Variants in ZNF438 observed in about 807,000 individuals in gnomAD.
ZNF438 encodes the protein zinc finger protein 438.
A neutral mutation model predicts 38.0 loss-of-function variants in ZNF438; 25 were observed. That is an observed-to-expected ratio of 0.66 (90% CI 0.48 to 0.92). ZNF438 has a LOEUF of 0.92. Ranked by LOEUF, ZNF438 falls within the 40% of genes least tolerant of loss-of-function variation. The pLI is 0.00. For synonymous variants in ZNF438, 372 were observed against 364.1 expected (o/e 1.02, Z -0.25); for missense variants, 1,007 against 999.6 (o/e 1.01, Z -0.10).
chr10:30,856,931 T>C (rs1405188805), intron 4 of ZNF438, among the ~76,000 whole-genome samples: 1 of 152,158 alleles, frequency 6.6e-6, no homozygotes, highest in African/African-American at 2.4e-5. Context: ...AACTAGGAAG[T>C]GTTGAGCCCT....
chr10:30,851,060 A>G (rs1474206130), intron 4 of ZNF438, among the ~76,000 whole-genome samples: 1 of 152,240 alleles, frequency 6.6e-6, no homozygotes, highest in Non-Finnish European at 1.5e-5. Flanking sequence ...GTGCTTTTGC[A>G]ATTAAATCAC....
At chr10:30,844,781 T>C (rs2031477622) in exon 6 of ZNF438, 3 of 750,288 alleles carry the variant, frequency 4.0e-6, no homozygotes, top group South Asian at 2.0e-5. Context: ...TAGAAAAATA[T>C]GCTTCGAGAG....
rs1396476152 is a variant in ZNF438 at position 30,866,610 on chromosome 10, A to T, written c.37+10388T>A. Among the ~76,000 whole-genome samples the T allele has an allele frequency of 5.9e-5, 9 of 152,256 alleles. No individual in the cohort carries two copies. The East Asian group carries it at 1.7e-3, about 29-fold the overall frequency. ...AGCACTTTGGGAGGCCAAGGAAGGC[A>T]GATCACGAGGTCAGGAGATCGAGAC... On this transcript the variant is annotated intron_variant, in intron 4 of 5. Transcript: ENST00000413025.
intron 2 of ZNF438, among the ~76,000 whole-genome samples, chr10:30,921,632 C>T (rs2044307204): frequency 6.6e-6 from 1 of 152,186 alleles, no homozygotes; most frequent in Non-Finnish European, 1.5e-5. Flanking sequence ...AGTTTATGCT[C>T]TAAACACTGG....
intron 1 of ZNF438, among the ~76,000 whole-genome samples, chr10:31,021,228 G>T (rs2056571405): frequency 6.6e-6 from 1 of 151,936 alleles, no homozygotes; most frequent in Admixed American, 6.6e-5. Context: ...ATACAAAAAA[G>T]AAATTACACC....
exon 6 of ZNF438, chr10:30,844,927 A>C: frequency 6.3e-7 from 1 of 1,590,268 alleles, no homozygotes; most frequent in Non-Finnish European, 8.6e-7. Flanking sequence ...GTGGCGGCAG[A>C]GCTCTCTCCT....
intron 1 of ZNF438, among the ~76,000 whole-genome samples, chr10:31,026,813 T>C (rs2056975284): frequency 6.6e-6 from 1 of 152,170 alleles, no homozygotes; most frequent in Non-Finnish European, 1.5e-5. Context: ...GTGGCACTAT[T>C]CACAATAGCA....
chr10:30,850,964 A>T (rs959303739), intron 4 of ZNF438, among the ~76,000 whole-genome samples: 6 of 152,192 alleles, frequency 3.9e-5, no homozygotes, highest in Non-Finnish European at 7.3e-5. Context: ...TGCACAGTGG[A>T]TGCATTCCAG....
intron 1 of ZNF438, among the ~76,000 whole-genome samples, chr10:30,957,413 T>G (rs2048982663): frequency 6.6e-6 from 1 of 152,216 alleles, no homozygotes; most frequent in Non-Finnish European, 1.5e-5. Flanking sequence ...TTGTTTATTT[T>G]TTCTTTCCTT....
chr10:30,912,672 G>C (rs950816128), intron 2 of ZNF438, among the ~76,000 whole-genome samples: 1 of 152,044 alleles, frequency 6.6e-6, no homozygotes, highest in African/African-American at 2.4e-5. Context: ...TTTAAATCCT[G>C]TTTCTTCCAC....
chr10:31,024,484 CGGGCTTGGTGGCGGGT>C (rs1564363654), intron 1 of ZNF438, among the ~76,000 whole-genome samples: 1 of 152,106 alleles, frequency 6.6e-6, no homozygotes, highest in Non-Finnish European at 1.5e-5. Flanking sequence ...AAAAATTAGC[CGGGCTTGGTGGCGGGT>C]GCCTGCAGTC....
intron 2 of ZNF438, among the ~76,000 whole-genome samples, chr10:30,914,353 C>T (rs1358818263): frequency 6.6e-5 from 10 of 151,810 alleles, no homozygotes; most frequent in African/African-American, 2.4e-4. Flanking sequence ...TTATAAAAGG[C>T]CAACATGATG....
chr10:30,847,475 T>C (rs929158293), intron 5 of ZNF438, among the ~76,000 whole-genome samples: 1 of 152,174 alleles, frequency 6.6e-6, no homozygotes, highest in African/African-American at 2.4e-5. Flanking sequence ...CTCTTCATCT[T>C]GCTCACCCTC....
intron 1 of ZNF438, among the ~76,000 whole-genome samples, chr10:31,001,277 T>C (rs2054632555): frequency 6.6e-6 from 1 of 152,258 alleles, no homozygotes; most frequent in African/African-American, 2.4e-5. Flanking sequence ...AACTCATCGC[T>C]GATAATGTGA....
intron 1 of ZNF438, among the ~76,000 whole-genome samples, chr10:30,988,729 A>C (rs2053133162): frequency 6.6e-6 from 1 of 151,952 alleles, no homozygotes; most frequent in Non-Finnish European, 1.5e-5. Context: ...TAGGTTCGCC[A>C]ATATGATGAA....
chr10:30,845,940 C>T (rs1220000219), intron 5 of ZNF438, among the ~76,000 whole-genome samples: 2 of 152,200 alleles, frequency 1.3e-5, no homozygotes, highest in African/African-American at 4.8e-5. Flanking sequence ...TTGAAGGTAA[C>T]GGTCCCACCC....
chr10:30,917,989 A>AAAT (rs2043844855), intron 2 of ZNF438, among the ~76,000 whole-genome samples: 2 of 152,122 alleles, frequency 1.3e-5, no homozygotes, highest in Non-Finnish European at 2.9e-5. Context: ...ATGATGCAAG[A>AAAT]CAGAAATTGA....
chr10:30,936,044 A>G (rs2046220469), intron 2 of ZNF438, among the ~76,000 whole-genome samples: 1 of 152,200 alleles, frequency 6.6e-6, no homozygotes, highest in South Asian at 2.1e-4. Context: ...CCTAATTCTG[A>G]GTTCACTGAT....
At position 31,005,420 on chromosome 10, in the gene ZNF438, T is replaced by G. The variant is rs1157004597; in HGVS notation, c.-192+26413A>C. 2.0e-5 allele frequency among the ~76,000 whole-genome samples: 3 copies of G among 152,268 alleles called. No individual in the cohort carries two copies. The East Asian group carries it at 5.8e-4, about 29-fold the overall frequency. On this transcript the variant is annotated intron_variant, in intron 1 of 5. Transcript: ENST00000413025. ...TAGGCAAGACACAGAAAATGCATGATTTCACTTATATGTGGAATCTTAAAA... is the reference window on the plus strand; with the variant it reads ...TAGGCAAGACACAGAAAATGCATGAGTTCACTTATATGTGGAATCTTAAAA...
Sources: allele counts gnomAD v4.1 joint callset (sites outside exome capture counted in the v4.1 genomes callset), GRCh38; gene constraint gnomAD v4.1.1; transcripts MANE v1.5; gene names NCBI Gene and HGNC (gene_info 2026-07-23, HGNC 2026-07-21).